DGLUCY: variants seen among roughly 807,000 people sequenced by gnomAD.
DGLUCY encodes D-glutamate cyclase, mitochondrial.
In DGLUCY, 58 loss-of-function variants were observed where a neutral mutation model predicts 58.5. That is an observed-to-expected ratio of 0.99 (90% CI 0.80 to 1.23). The LOEUF (loss-of-function observed/expected upper bound fraction) is 1.23, where lower values mean the gene tolerates loss of function less well. Among genes scored for constraint, DGLUCY ranks in the 50% most tolerant of loss-of-function variants. The pLI, the probability that DGLUCY is intolerant of heterozygous loss-of-function variation, is 0.00. For synonymous variants in DGLUCY, 325 were observed against 314.1 expected, an observed-to-expected ratio of 1.03 and a Z score of -0.37; for missense variants, 779 against 784.7, an observed-to-expected ratio of 0.99 and a Z score of 0.09.
chr14:91,127,121 A>G (rs1449061411), intron 1 of DGLUCY, among the ~76,000 whole-genome samples: 1 of 148,388 alleles, frequency 6.7e-6, no homozygotes, highest in African/African-American at 2.5e-5. Flanking sequence ...CAGTGGCACA[A>G]GTATGGCTCA....
chr14:91,120,965 TC>T (rs779712539), intron 1 of DGLUCY, among the ~76,000 whole-genome samples: 27 of 152,264 alleles, frequency 1.8e-4, no homozygotes, highest in Admixed American at 5.2e-4. Flanking sequence ...CTCCTGGGGC[TC>T]TTAGATGAAG....
intron 1 of DGLUCY, chr14:91,126,324 G>C (rs2140168476): frequency 6.5e-6 from 1 of 153,306 alleles, no homozygotes; most frequent in Non-Finnish European, 1.5e-5. Context: ...GAGTTCCTTG[G>C]ACTGTAGCTG....
At chr14:91,198,211 T>G (rs1177534984) in intron 10 of DGLUCY, among the ~76,000 whole-genome samples, 1 of 151,112 alleles carries the variant, frequency 6.6e-6, no homozygotes, top group Non-Finnish European at 1.5e-5. Context: ...CCTGGCTAAT[T>G]TTTTATATTT....
chr14:91,204,600 C>A (rs990013649), intron 11 of DGLUCY, 106 bp from the exon 12 acceptor site: 4 of 1,455,514 alleles, frequency 2.7e-6, no homozygotes, highest in South Asian at 1.3e-5. Flanking sequence ...CAGAGCCAAC[C>A]TTTTTGCCCT....
chr14:91,173,172 C>T (rs935111038), intron 5 of DGLUCY, 117 bp from the exon 6 acceptor site: 18 of 1,092,452 alleles, frequency 1.6e-5, no homozygotes, highest in Non-Finnish European at 2.3e-5. Flanking sequence ...AAGCTAATTT[C>T]TATAACAGCT....
At chr14:91,171,252 C>G (rs977328118) in intron 5 of DGLUCY, among the ~76,000 whole-genome samples, 1 of 152,216 alleles carries the variant, frequency 6.6e-6, no homozygotes, top group African/African-American at 2.4e-5. Context: ...ACCCCTGGCT[C>G]CCATCTGTAC....
At chr14:91,099,672 G>A (rs2044453548) in intron 1 of DGLUCY, among the ~76,000 whole-genome samples, 1 of 152,154 alleles carries the variant, frequency 6.6e-6, no homozygotes, top group Non-Finnish European at 1.5e-5. Flanking sequence ...CACCAACCCA[G>A]GGGATCTGCA....
At chr14:91,076,624 G>A (rs940984493) in intron 1 of DGLUCY, among the ~76,000 whole-genome samples, 3 of 152,300 alleles carry the variant, frequency 2.0e-5, no homozygotes, top group African/African-American at 7.2e-5. Flanking sequence ...AAGCTACTGG[G>A]AAGGATCTGG....
Position 91,143,297 on chromosome 14 carries a change from G to A in DGLUCY, c.-81-14342G>A, listed in dbSNP as rs1009529859. 2.6e-5 allele frequency among the ~76,000 whole-genome samples: 4 copies of A among 151,782 alleles called. No individual in the cohort carries two copies. In the East Asian group the frequency reaches 5.9e-4, roughly 22 times the overall value. On this transcript the variant is annotated intron_variant, in intron 1 of 13. Transcript: ENST00000256324. ...TTTTTAGTAGAGACGGGGTTTCAATGTGTTAGCCAGGATGGTCTTCATCTC... is the reference window on the plus strand; with the variant it reads ...TTTTTAGTAGAGACGGGGTTTCAATATGTTAGCCAGGATGGTCTTCATCTC...
At position 91,156,799 on chromosome 14, in the gene DGLUCY, C is replaced by T. The variant is rs183893337; in HGVS notation, c.-81-840C>T. 7.2e-5 allele frequency among the ~76,000 whole-genome samples: 11 copies of T among 152,274 alleles called. No individual in the cohort carries two copies. In the South Asian group the frequency reaches 1.2e-3, roughly 17 times the overall value. ...CCTCACTTCTAGAGGAAGACCACTC[C>T]GGAAAACAAGATACCTGGGCCATGC... On this transcript the variant is annotated intron_variant, in intron 1 of 13. Coordinates refer to ENST00000256324, the MANE Select transcript of DGLUCY (RefSeq NM_001102368.3).
chr14:91,158,202 C>G (rs1326657621), intron 2 of DGLUCY, among the ~76,000 whole-genome samples: 2 of 152,232 alleles, frequency 1.3e-5, no homozygotes, highest in East Asian at 3.8e-4. Context: ...CTAAGGTGGT[C>G]AGGCTTGCCA....
intron 1 of DGLUCY, among the ~76,000 whole-genome samples, chr14:91,131,139 G>A (rs1184269287): frequency 1.3e-5 from 2 of 152,064 alleles, no homozygotes; most frequent in African/African-American, 2.4e-5. Flanking sequence ...TAGTAGAGAC[G>A]AGGTTTTACC....
At position 91,173,666 on chromosome 14, in the gene DGLUCY, G is replaced by A. The variant is rs1429128367; in HGVS notation, c.607+227G>A. Reference sequence around the variant, plus strand: ...TGGCTTGTCTTTGTTTTTACCAGGGGTCTCCAGGGGCAAAGGCCCTGAACA... The same window carrying A: ...TGGCTTGTCTTTGTTTTTACCAGGGATCTCCAGGGGCAAAGGCCCTGAACA... On this transcript the variant is annotated intron_variant, in intron 6 of 13. Coordinates refer to ENST00000256324, the MANE Select transcript of DGLUCY (RefSeq NM_001102368.3). 3 of 518,418 alleles carry A rather than the reference G, an allele frequency of 5.8e-6. No individual in the cohort carries two copies. The African/African-American group carries it at 5.9e-5, about 10-fold the overall frequency. The allele number at this position is 518,418 out of a possible 1,614,324, so 32.1% of individuals were successfully genotyped here.
chr14:91,177,710 G>T (rs144903011), intron 7 of DGLUCY, among the ~76,000 whole-genome samples: 1 of 152,242 alleles, frequency 6.6e-6, no homozygotes, highest in Non-Finnish European at 1.5e-5. Flanking sequence ...GAAAGCATTC[G>T]TGAGAGTTCA....
At chr14:91,091,712 G>A (rs1038298418) in intron 1 of DGLUCY, among the ~76,000 whole-genome samples, 3 of 152,106 alleles carry the variant, frequency 2.0e-5, no homozygotes, top group Admixed American at 6.6e-5. Context: ...GGGCAAAGAC[G>A]CCCAGGTGCT....
chr14:91,164,103 C>G (rs555265429), intron 3 of DGLUCY, among the ~76,000 whole-genome samples: 6 of 152,230 alleles, frequency 3.9e-5, no homozygotes, highest in African/African-American at 1.4e-4. Context: ...GCACGTGCCA[C>G]CATGCCTGGC....
intron 11 of DGLUCY, among the ~76,000 whole-genome samples, chr14:91,200,311 A>G (rs564554686): frequency 1.3e-5 from 2 of 152,178 alleles, no homozygotes; most frequent in Non-Finnish European, 2.9e-5. Flanking sequence ...TGTGGGGACC[A>G]TCATTTTCCA....
At chr14:91,189,633 C>CT (rs532566207) in intron 9 of DGLUCY, among the ~76,000 whole-genome samples, 126 of 152,264 alleles carry the variant, frequency 8.3e-4, no homozygotes, top group African/African-American at 2.8e-3. Flanking sequence ...AGACGCGAGG[C>CT]TGTAATTCCA....
intron 4 of DGLUCY, among the ~76,000 whole-genome samples, chr14:91,168,902 C>T (rs1328206174): frequency 2.6e-5 from 4 of 152,094 alleles, no homozygotes; most frequent in South Asian, 2.1e-4. Flanking sequence ...GCCTGGCCAA[C>T]GCGGTGAAAC....
Sources: gnomAD v4.1 joint callset for allele counts (sites outside exome capture counted in the v4.1 genomes callset) on GRCh38, gnomAD v4.1.1 for gene constraint, MANE v1.5 for transcripts, NCBI Gene and HGNC (gene_info 2026-07-23, HGNC 2026-07-21) for gene names.